Variants in ANKRD28 observed in about 807,000 individuals in gnomAD.
ANKRD28 encodes the protein serine/threonine-protein phosphatase 6 regulatory ankyrin repeat subunit A.
ANKRD28 carries 44 observed loss-of-function variants against 126.5 expected under a neutral mutation model. The ratio of observed to expected loss-of-function variants is 0.35; its 90% CI spans 0.27 to 0.45. ANKRD28 has a LOEUF of 0.45. ANKRD28 is among the 20% of genes least tolerant of loss of function. The pLI, the probability that ANKRD28 is intolerant of heterozygous loss-of-function variation, is 1.00. For synonymous variants in ANKRD28, 442 were observed against 468.5 expected (o/e 0.94, Z 0.73); for missense variants, 1,110 against 1,316.6 (o/e 0.84, Z 2.43).
At chr3:15,789,413 C>T (rs57340132) in intron 2 of ANKRD28, among the ~76,000 whole-genome samples, 20,803 of 150,738 alleles carry the variant, frequency 0.14, 2,151 homozygotes, top group East Asian at 0.58. Flanking sequence ...TGGGGACTTT[C>T]GAAGAGAGGT....
chr3:15,789,062 G>A (rs1158368045), intron 2 of ANKRD28, among the ~76,000 whole-genome samples: 4 of 152,020 alleles, frequency 2.6e-5, no homozygotes, highest in African/African-American at 9.7e-5. Context: ...CATTTTGATT[G>A]CATTTCACCC....
intron 21 of ANKRD28, chr3:15,683,858 A>T (rs2067805681): frequency 6.6e-6 from 1 of 152,224 alleles, no homozygotes; most frequent in African/African-American, 2.4e-5. Flanking sequence ...GAAACAGCAT[A>T]TTATAGAAAG....
At chr3:15,732,608 C>T (rs576451036) in intron 6 of ANKRD28, 1 of 152,326 alleles carries the variant, frequency 6.6e-6, no homozygotes, top group East Asian at 1.9e-4. Context: ...GGGACATCAA[C>T]TACTATTACC....
chr3:15,816,294 T>A lies in ANKRD28; in HGVS notation c.28-20988A>T, dbSNP rs570062490. Among the ~76,000 whole-genome samples the A allele has an allele frequency of 6.6e-6, 1 of 152,320 alleles. No individual in the cohort carries two copies. The highest frequency in any genetic ancestry group is 1.9e-4 in the East Asian group (1 of 5,194). ...TCCACAAATATTTACTCAATAATTG[T>A]TTGTTAATAACTATTTATATGCTAA... On this transcript the variant is annotated intron_variant, in intron 1 of 27. Coordinates refer to the ANKRD28 transcript ENST00000399451. The surrounding 1 kb of genome is among the most constrained non-coding windows in gnomAD (Gnocchi z 5.0).
chr3:15,691,637 T>C (rs2068818096), intron 17 of ANKRD28, among the ~76,000 whole-genome samples: 1 of 152,218 alleles, frequency 6.6e-6, no homozygotes, highest in South Asian at 2.1e-4. Flanking sequence ...GCCTCACTGA[T>C]CTCTTTATAA....
chr3:15,681,608 T>C (rs1455916446), intron 21 of ANKRD28, among the ~76,000 whole-genome samples: 1 of 151,402 alleles, frequency 6.6e-6, no homozygotes, highest in East Asian at 1.9e-4. Flanking sequence ...ATGTTATATT[T>C]TCTTTTCTTT....
intron 1 of ANKRD28, among the ~76,000 whole-genome samples, chr3:15,859,019 C>G (rs1559606069): frequency 6.6e-6 from 1 of 152,244 alleles, no homozygotes; most frequent in Non-Finnish European, 1.5e-5. Context: ...CCGCCAGTAC[C>G]GCTCCCGCCC....
chr3:15,744,869 A>C (rs563474594), intron 4 of ANKRD28, among the ~76,000 whole-genome samples: 1 of 152,168 alleles, frequency 6.6e-6, no homozygotes, highest in African/African-American at 2.4e-5. Context: ...ACAGTGTAAA[A>C]GTGTTCCCTT....
rs546370871 is a variant in ANKRD28, at chr3:15,741,874, T to C, written c.352-4641A>G. On this transcript the variant is annotated intron_variant, in intron 4 of 27. Coordinates refer to ENST00000683139, the MANE Select transcript of ANKRD28 (RefSeq NM_001349278.2). Reference sequence around the variant, plus strand: ...GCCTCAGCCTGCCGAGTGCCTGCGATTGCAGGCGCGCGCCACCACGCCTGA... The same window carrying C: ...GCCTCAGCCTGCCGAGTGCCTGCGACTGCAGGCGCGCGCCACCACGCCTGA... 7.3e-5 allele frequency among the ~76,000 whole-genome samples: 11 copies of C among 151,718 alleles called. No individual in the cohort carries two copies. In the East Asian group the frequency reaches 1.9e-3, roughly 27 times the overall value.
intron 26 of ANKRD28, chr3:15,676,643 T>A: frequency 4.8e-6 from 1 of 208,780 alleles, no homozygotes; most frequent in Non-Finnish European, 9.7e-6. Flanking sequence ...TTACCTCATT[T>A]ATTGTTAGTT....
intron 2 of ANKRD28, among the ~76,000 whole-genome samples, chr3:15,787,159 T>C (rs995621677): frequency 6.6e-6 from 1 of 152,046 alleles, no homozygotes; most frequent in African/African-American, 2.4e-5. Context: ...TAAAATACAC[T>C]GGGAATGAAA....
intron 23 of ANKRD28, among the ~76,000 whole-genome samples, chr3:15,678,880 C>T (rs1381465279): frequency 6.6e-6 from 1 of 152,246 alleles, no homozygotes; most frequent in Admixed American, 6.5e-5. Flanking sequence ...AATTTATACT[C>T]GCAAATATAA....
chr3:15,748,495 G>C (rs1167710027), intron 4 of ANKRD28, among the ~76,000 whole-genome samples: 1 of 152,124 alleles, frequency 6.6e-6, no homozygotes, highest in Admixed American at 6.5e-5. Flanking sequence ...TAATCGTTTT[G>C]TTTAAGGAGG....
chr3:15,719,646 G>C (rs2073475329), intron 8 of ANKRD28, among the ~76,000 whole-genome samples: 1 of 152,086 alleles, frequency 6.6e-6, no homozygotes. Context: ...ATAGTTCACT[G>C]TAACTTTGAA....
chr3:15,830,196 T>C lies in ANKRD28; in HGVS notation c.27+29181A>G, dbSNP rs1033917213. ...AGTACTATTACTTTTGTACCATTAA[T>C]GCGAATGTCGAAGTAAAAAACGCAT... On this transcript the variant is annotated intron_variant, in intron 1 of 27. Coordinates refer to the ANKRD28 transcript ENST00000399451. This position sits in a 1 kb window ranked among gnomAD's most constrained non-coding sequence, Gnocchi z 4.5. Among the ~76,000 whole-genome samples the C allele has an allele frequency of 1.3e-5, 2 of 152,198 alleles. No individual in the cohort carries two copies. The highest frequency in any genetic ancestry group is 2.9e-5 in the Non-Finnish European group (2 of 68,030).
intron 4 of ANKRD28, among the ~76,000 whole-genome samples, chr3:15,740,642 T>C (rs1285273786): frequency 2.6e-5 from 4 of 152,244 alleles, no homozygotes; most frequent in Non-Finnish European, 5.9e-5. Flanking sequence ...CCTTGCCTTA[T>C]CCACTCCCAT....
At chr3:15,697,505 T>C (rs2125908572) in intron 14 of ANKRD28, 2 of 151,978 alleles carry the variant, frequency 1.3e-5, no homozygotes, top group South Asian at 4.2e-4. Context: ...TTTAATCATG[T>C]GTTTGTTTTT....
intron 3 of ANKRD28, 69 bp from the exon 4 acceptor site, chr3:15,751,889 A>G: frequency 5.6e-6 from 6 of 1,066,968 alleles, no homozygotes; most frequent in Middle Eastern, 2.7e-4. Context: ...CTCCTGAAAT[A>G]GTAGTTATAT....
intron 14 of ANKRD28, among the ~76,000 whole-genome samples, chr3:15,699,122 C>T (rs149199963): frequency 0.015 from 2,288 of 152,144 alleles, 28 homozygotes; most frequent in Non-Finnish European, 0.025. Context: ...ACAAACCTGA[C>T]AAAAACTAGC....
Sources: gnomAD v4.1 joint callset for allele counts (sites outside exome capture counted in the v4.1 genomes callset) on GRCh38, gnomAD v4.1.1 for gene constraint, Gnocchi (gnomAD v3.1) non-coding constraint, MANE v1.5 for transcripts, NCBI Gene and HGNC (gene_info 2026-07-23, HGNC 2026-07-21) for gene names.